Variants in LVRN observed in about 807,000 individuals in gnomAD.
LVRN encodes the protein aminopeptidase Q.
In LVRN, 99 loss-of-function variants were observed where a neutral mutation model predicts 111.4. The observed-to-expected ratio is 0.89, with a 90% CI of 0.76 to 1.05. The LOEUF (loss-of-function observed/expected upper bound fraction) is 1.05. Ranked by LOEUF, LVRN falls within the 50% of genes least tolerant of loss-of-function variation. The pLI is 0.00. For synonymous variants in LVRN, 488 were observed against 449.5 expected (o/e 1.09, Z -1.08); for missense variants, 1,414 against 1,206.8 (o/e 1.17, Z -2.54).
At chr5:116,006,779 G>A (rs973807986) in intron 13 of LVRN, among the ~76,000 whole-genome samples, 4 of 152,068 alleles carry the variant, frequency 2.6e-5, no homozygotes, top group East Asian at 1.9e-4. Flanking sequence ...AAATGTTTGC[G>A]GAAGGACATG....
At chr5:115,993,200 G>T (rs1192410177) in intron 5 of LVRN, among the ~76,000 whole-genome samples, 1 of 148,694 alleles carries the variant, frequency 6.7e-6, no homozygotes, top group African/African-American at 2.5e-5. Context: ...ATTTGACACT[G>T]TTTTTTTTTT....
intron 6 of LVRN, among the ~76,000 whole-genome samples, chr5:115,997,137 A>C (rs1274707110): frequency 6.6e-6 from 1 of 152,124 alleles, no homozygotes; most frequent in Admixed American, 6.6e-5. Context: ...CATCATGAAA[A>C]TTAATTTAGT....
chr5:116,000,987 C>T (rs1236894083), intron 9 of LVRN, 80 bp from the exon 10 acceptor site: 23 of 1,460,172 alleles, frequency 1.6e-5, no homozygotes, highest in South Asian at 4.1e-5. Flanking sequence ...GAATAGCTAC[C>T]GAGTTTCTTT....
chr5:116,016,801 C>G (rs1422749994), intron 18 of LVRN, among the ~76,000 whole-genome samples: 1 of 152,070 alleles, frequency 6.6e-6, no homozygotes, highest in East Asian at 1.9e-4. Context: ...ACCAGTTGTT[C>G]CAGAAGAAAG....
intron 9 of LVRN, 77 bp from the exon 10 acceptor site, chr5:116,000,990 G>A: frequency 1.4e-6 from 2 of 1,479,510 alleles, no homozygotes; most frequent in Non-Finnish European, 1.8e-6. Flanking sequence ...TAGCTACCGA[G>A]TTTCTTTTTG....
chr5:116,023,949 A>G (rs1748808876), intron 19 of LVRN, among the ~76,000 whole-genome samples: 1 of 152,234 alleles, frequency 6.6e-6, no homozygotes, highest in African/African-American at 2.4e-5. Context: ...ACATAATGGA[A>G]TACTATACTG....
rs752634994 is a variant in LVRN at position 115,963,121 on chromosome 5, C to G, written c.504C>G (p.Asn168Lys). The change falls in exon 1 of 20, where the codon AAC (asparagine) becomes AAG (lysine). Residue 168 changes from asparagine (N) to lysine (K), a missense_variant. Asn to Lys is a moderately conservative substitution (Grantham distance 94, BLOSUM62 0). Transcript: ENST00000357872. ...VRGPLSPGTGNATVGRVPVDD... is the reference protein window; with the variant it reads ...VRGPLSPGTGKATVGRVPVDD... ...GACCCCTTTCCCCGGGCACTGGGAA[C>G]GCCACAGTGGGCCGCGTGCCCGTGG... The G allele has an allele frequency of 6.2e-7, 1 of 1,613,564 alleles. No individual in the cohort carries two copies. Among genetic ancestry groups the G allele is most frequent in the East Asian group, 2.2e-5 (1 of 44,872 alleles).
At chr5:116,013,061 C>T (rs1018430586) in intron 15 of LVRN, among the ~76,000 whole-genome samples, 7 of 151,986 alleles carry the variant, frequency 4.6e-5, no homozygotes, top group African/African-American at 1.7e-4. Flanking sequence ...TCCCTGTGCC[C>T]TAAGTTTTGT....
At chr5:116,017,639 G>A (rs1024340115) in intron 18 of LVRN, among the ~76,000 whole-genome samples, 4 of 152,190 alleles carry the variant, frequency 2.6e-5, no homozygotes, top group Admixed American at 1.3e-4. Context: ...AGGATGAGGA[G>A]AGTGCTAAAT....
chr5:116,014,540 T>C lies in LVRN; in HGVS notation c.2450+13T>C. On this transcript the variant is annotated intron_variant, in intron 16 of 19. Coordinates refer to ENST00000357872, the MANE Select transcript of LVRN (RefSeq NM_173800.5). ...ATCCAGAAAATGAGTAAGAGTAATA[T>C]CATAATTCCTCTTGTTTTTGTCCTA... 6 of 1,580,810 alleles carry C rather than the reference T, an allele frequency of 3.8e-6. No individual in the cohort carries two copies. The highest frequency in any genetic ancestry group is 1.3e-5 in the African/African-American group (1 of 74,346).
intron 13 of LVRN, among the ~76,000 whole-genome samples, chr5:116,007,961 T>G (rs1349613993): frequency 6.6e-6 from 1 of 152,122 alleles, no homozygotes; most frequent in Admixed American, 6.5e-5. Flanking sequence ...ACTTAATAAT[T>G]GTGTGTGTTC....
At chr5:116,016,217 T>C (rs1748599377) in intron 18 of LVRN, among the ~76,000 whole-genome samples, 1 of 152,190 alleles carries the variant, frequency 6.6e-6, no homozygotes, top group South Asian at 2.1e-4. Flanking sequence ...TATTTATGGA[T>C]TGTAAGAAGG....
intron 12 of LVRN, among the ~76,000 whole-genome samples, chr5:116,004,499 C>G (rs533864852): frequency 6.6e-6 from 1 of 152,294 alleles, no homozygotes; most frequent in African/African-American, 2.4e-5. Flanking sequence ...AGCAATCTCT[C>G]TAGCATATTG....
chr5:116,002,781 G>A (rs1561564479), intron 10 of LVRN, 54 bp from the exon 11 acceptor site: 2 of 1,288,580 alleles, frequency 1.6e-6, no homozygotes, highest in Middle Eastern at 1.9e-4. Flanking sequence ...GTGGCTCAGA[G>A]TGTATGTTTT....
intron 11 of LVRN, 37 bp from the exon 12 acceptor site, chr5:116,003,204 A>G (rs757011674): frequency 2.6e-5 from 40 of 1,521,600 alleles, no homozygotes; most frequent in East Asian, 6.9e-5. Flanking sequence ...TCTTTTTTAA[A>G]TGTACCATTT....
At chr5:115,978,411 A>G (rs1192466930) in intron 1 of LVRN, among the ~76,000 whole-genome samples, 1 of 152,168 alleles carries the variant, frequency 6.6e-6, no homozygotes, top group Non-Finnish European at 1.5e-5. Flanking sequence ...ACAGATTAGT[A>G]AAAACACAAC....
intron 13 of LVRN, among the ~76,000 whole-genome samples, chr5:116,007,464 C>T (rs1013251143): frequency 6.6e-6 from 1 of 152,202 alleles, no homozygotes; most frequent in Non-Finnish European, 1.5e-5. Flanking sequence ...TCCTTCACTG[C>T]TCTTCTCAAG....
chr5:115,981,420 C>A (rs908982727), intron 1 of LVRN, among the ~76,000 whole-genome samples: 5 of 151,706 alleles, frequency 3.3e-5, no homozygotes, highest in African/African-American at 1.2e-4. Flanking sequence ...CAGCTGTAGC[C>A]CCTAGAACAC....
rs544605406 is a variant in LVRN, at chr5:115,996,682, G to A, written c.1374+2828G>A. ...CTCAAGGGGTCAGAACATTAGGGAC[G>A]AAGGCTTTCTGGAACTCTGAAGCTC... On this transcript the variant is annotated intron_variant, in intron 6 of 19. Coordinates refer to ENST00000357872, the MANE Select transcript of LVRN (RefSeq NM_173800.5). 3.3e-5 allele frequency among the ~76,000 whole-genome samples: 5 copies of A among 152,284 alleles called. No homozygotes were observed. The South Asian group carries it at 8.3e-4, about 25-fold the overall frequency.
Sources: gnomAD v4.1 joint callset for allele counts (sites outside exome capture counted in the v4.1 genomes callset) on GRCh38, gnomAD v4.1.1 for gene constraint, MANE v1.5 for transcripts, NCBI Gene and HGNC (gene_info 2026-07-23, HGNC 2026-07-21) for gene names.